The following PHTF1 variants were observed in gnomAD, a reference collection of about 807,000 sequenced individuals.
PHTF1 encodes protein PHTF1.
PHTF1 carries 88 observed loss-of-function variants against 102.4 expected under a neutral mutation model. That is an observed-to-expected ratio of 0.86 (90% CI 0.72 to 1.03). The LOEUF (loss-of-function observed/expected upper bound fraction) is 1.03. PHTF1 is among the 50% of genes least tolerant of loss of function. The pLI, the probability that PHTF1 is intolerant of heterozygous loss-of-function variation, is 0.00. For synonymous variants in PHTF1, 289 were observed against 305.2 expected, an observed-to-expected ratio of 0.95 and a Z score of 0.55; for missense variants, 814 against 909.5, an observed-to-expected ratio of 0.89 and a Z score of 1.35.
intron 7 of PHTF1, among the ~76,000 whole-genome samples, chr1:113,721,680 A>G (rs1329401170): frequency 2.0e-5 from 3 of 152,188 alleles, no homozygotes; most frequent in Non-Finnish European, 2.9e-5. Flanking sequence ...CAAAATTGAC[A>G]TAAAAATCAA....
intron 3 of PHTF1, among the ~76,000 whole-genome samples, chr1:113,752,460 C>A (rs1300140107): frequency 1.6e-5 from 2 of 123,152 alleles, no homozygotes; most frequent in African/African-American, 6.3e-5. Context: ...AGTGCAGTGG[C>A]GCGATCTTGG....
intron 5 of PHTF1, among the ~76,000 whole-genome samples, chr1:113,732,925 T>A (rs940868484): frequency 2.0e-5 from 3 of 151,926 alleles, no homozygotes; most frequent in Non-Finnish European, 4.4e-5. Context: ...GCAGTCAGGG[T>A]CTTACTCTGT....
intron 7 of PHTF1, among the ~76,000 whole-genome samples, chr1:113,723,453 C>T (rs1477431212): frequency 6.6e-6 from 1 of 152,198 alleles, no homozygotes; most frequent in African/African-American, 2.4e-5. Flanking sequence ...GCTGGGATTA[C>T]AGGCATGAGC....
intron 3 of PHTF1, among the ~76,000 whole-genome samples, chr1:113,751,939 T>C (rs1185382355): frequency 1.3e-5 from 2 of 152,258 alleles, no homozygotes; most frequent in Non-Finnish European, 2.9e-5. Context: ...AATGTAGTAA[T>C]GTAAATCTTC....
At chr1:113,758,962 G>A (rs1022325523) in intron 1 of PHTF1, 61 bp downstream of exon 1, 8 of 1,124,762 alleles carry the variant, frequency 7.1e-6, no homozygotes, top group African/African-American at 3.2e-5. Flanking sequence ...GGGAGGGGCA[G>A]GGGCCGCCGC....
intron 3 of PHTF1, among the ~76,000 whole-genome samples, chr1:113,744,303 T>G (rs978729816): frequency 2.0e-5 from 3 of 152,290 alleles, no homozygotes; most frequent in South Asian, 4.1e-4. Flanking sequence ...ACAAAAACAC[T>G]GGAGGTATTG....
intron 16 of PHTF1, chr1:113,700,215 C>T: frequency 1.1e-6 from 1 of 923,194 alleles, no homozygotes; most frequent in Non-Finnish European, 1.3e-6. Flanking sequence ...TTATATTTTG[C>T]CTTGTAGGAA....
intron 13 of PHTF1, 136 bp downstream of exon 13, chr1:113,705,754 A>C: frequency 2.9e-6 from 2 of 679,774 alleles, no homozygotes; most frequent in East Asian, 5.4e-5. Context: ...TAAATCCACA[A>C]ATATCAAAAG....
intron 3 of PHTF1, among the ~76,000 whole-genome samples, chr1:113,751,605 G>T (rs1343650516): frequency 6.6e-6 from 1 of 152,202 alleles, no homozygotes; most frequent in Non-Finnish European, 1.5e-5. Flanking sequence ...TGATTCACCA[G>T]TTGATGGACA....
At chr1:113,758,279 C>T (rs895951693) in intron 2 of PHTF1, among the ~76,000 whole-genome samples, 7 of 145,756 alleles carry the variant, frequency 4.8e-5, no homozygotes, top group African/African-American at 1.7e-4. Context: ...GAAAAGAGCA[C>T]TAGAAAAACT....
intron 7 of PHTF1, among the ~76,000 whole-genome samples, chr1:113,722,447 G>C (rs547669583): frequency 6.6e-6 from 1 of 151,988 alleles, no homozygotes; most frequent in Non-Finnish European, 1.5e-5. Flanking sequence ...TCAAAAAAAA[G>C]AAATTGAAGA....
chr1:113,706,851 C>CTTTTTTTTTTTTT (rs11363653), intron 11 of PHTF1, 129 bp from the exon 12 acceptor site: 82 of 217,598 alleles, frequency 3.8e-4, no homozygotes, highest in African/African-American at 5.7e-4. Context: ...TTCTTTCTTT[C>CTTTTTTTTTTTTT]TTTTTTTTTT....
chr1:113,706,851 C>CTTTTT (rs11363653), intron 11 of PHTF1, 129 bp from the exon 12 acceptor site: 396 of 217,532 alleles, frequency 1.8e-3, no homozygotes, highest in Non-Finnish European at 2.1e-3. Flanking sequence ...TTCTTTCTTT[C>CTTTTT]TTTTTTTTTT....
At position 113,731,898 on chromosome 1, in the gene PHTF1, AT is replaced by A. The variant is rs57939749; in HGVS notation, c.332-5325del. Among the ~76,000 whole-genome samples, 792 of 149,198 alleles carry A rather than the reference AT, an allele frequency of 5.3e-3. 10 individuals carry two copies. Among genetic ancestry groups the A allele is most frequent in the African/African-American group, 0.018 (746 of 40,418 alleles). ...GGCAACAGAGCAAGACGCCGTCTCAATTTTAAAAAAAAAAAAAAAAAAAAAG... is the reference window on the plus strand; with the variant it reads ...GGCAACAGAGCAAGACGCCGTCTCAATTTAAAAAAAAAAAAAAAAAAAAAG... On this transcript the variant is annotated intron_variant, in intron 5 of 18. Coordinates refer to ENST00000369604, the MANE Select transcript of PHTF1 (RefSeq NM_001323043.2).
chr1:113,732,952 C>T (rs540942341), intron 5 of PHTF1, among the ~76,000 whole-genome samples: 1 of 151,874 alleles, frequency 6.6e-6, no homozygotes, highest in Non-Finnish European at 1.5e-5. Flanking sequence ...GGCTAGAGTG[C>T]AGTGATGAAT....
chr1:113,724,854 T>C lies in PHTF1; in HGVS notation c.528A>G (p.Glu176=). Residue 176 remains glutamate (E), a synonymous_variant, in exon 7 of 19, where the codon GAA becomes GAG. Transcript: ENST00000369604. ...RKTVNGDGSR[E]NGNNSSDKVR... ...CTTTATCAGAGGAGTTATTTCCATT[T>C]TCTCGGCTCCCATCACCATTTACAG... 1 of 1,609,728 alleles carries C rather than the reference T, an allele frequency of 6.2e-7. No homozygotes were observed. The highest frequency in any genetic ancestry group is 8.5e-7 in the Non-Finnish European group (1 of 1,177,678).
intron 3 of PHTF1, among the ~76,000 whole-genome samples, chr1:113,751,070 T>C (rs1658004336): frequency 6.6e-6 from 1 of 152,168 alleles, no homozygotes; most frequent in African/African-American, 2.4e-5. Flanking sequence ...AAGACCAGCC[T>C]AGGCAATGTG....
intron 7 of PHTF1, chr1:113,714,716 G>T (rs956942757): frequency 6.6e-6 from 1 of 152,262 alleles, no homozygotes; most frequent in Non-Finnish European, 1.5e-5. Context: ...TAAAAGGAAG[G>T]ACATAAGCCT....
intron 7 of PHTF1, among the ~76,000 whole-genome samples, chr1:113,717,078 T>C (rs1020865748): frequency 1.3e-5 from 2 of 152,022 alleles, no homozygotes; most frequent in Non-Finnish European, 2.9e-5. Context: ...AGAGTGAAAG[T>C]GTACAGTTTT....
Sources: allele counts gnomAD v4.1 joint callset (sites outside exome capture counted in the v4.1 genomes callset), GRCh38; gene constraint gnomAD v4.1.1; transcripts MANE v1.5; gene names NCBI Gene and HGNC (gene_info 2026-07-23, HGNC 2026-07-21).